The following MAGI2 variants were observed in gnomAD, a reference collection of about 807,000 sequenced individuals.
MAGI2 encodes membrane-associated guanylate kinase, WW and PDZ domain-containing protein 2.
Under a neutral mutation model 133.3 loss-of-function variants are expected in MAGI2, and 35 were observed. The observed-to-expected ratio is 0.26, with a 90% CI of 0.20 to 0.35. The LOEUF (loss-of-function observed/expected upper bound fraction) is 0.35, where lower values mean the gene tolerates loss of function less well. Ranked by LOEUF, MAGI2 falls within the 10% of genes least tolerant of loss-of-function variation. The probability of loss-of-function intolerance (pLI) is 1.00; values close to 1 mark genes in which losing one functional copy is unlikely to be tolerated. For synonymous variants in MAGI2, 729 were observed against 710.6 expected, an observed-to-expected ratio of 1.03 and a Z score of -0.41; for missense variants, 1,636 against 1,863.4, an observed-to-expected ratio of 0.88 and a Z score of 2.25.
At chr7:78,863,927 A>G (rs1417314432) in intron 2 of MAGI2, among the ~76,000 whole-genome samples, 2 of 152,224 alleles carry the variant, frequency 1.3e-5, no homozygotes, top group East Asian at 1.9e-4. Flanking sequence ...ATTGAAGAAC[A>G]GCTTGAATCC....
intron 2 of MAGI2, among the ~76,000 whole-genome samples, chr7:78,698,513 C>T (rs1447613636): frequency 6.6e-6 from 1 of 152,176 alleles, no homozygotes; most frequent in African/African-American, 2.4e-5. Context: ...ATGTTTTTCA[C>T]CATTAGGAAC....
At chr7:78,640,401 T>C (rs1182415422) in intron 2 of MAGI2, among the ~76,000 whole-genome samples, 1 of 152,128 alleles carries the variant, frequency 6.6e-6, no homozygotes, top group East Asian at 1.9e-4. Context: ...GTTTTAGGAA[T>C]TAAAAATATA....
chr7:78,329,636 C>T (rs1450881595), intron 9 of MAGI2, among the ~76,000 whole-genome samples: 1 of 152,176 alleles, frequency 6.6e-6, no homozygotes, highest in East Asian at 1.9e-4. Flanking sequence ...CTATCTTACC[C>T]TCCTCAGACT....
chr7:79,270,425 T>G (rs2129557168), intron 1 of MAGI2, among the ~76,000 whole-genome samples: 1 of 152,296 alleles, frequency 6.6e-6, no homozygotes, highest in Middle Eastern at 3.4e-3. Flanking sequence ...CTGAGAGAAG[T>G]CATTCCAGAG....
chr7:79,446,686 C>G (rs761999706), intron 1 of MAGI2, among the ~76,000 whole-genome samples: 1 of 152,198 alleles, frequency 6.6e-6, no homozygotes, highest in Non-Finnish European at 1.5e-5. Flanking sequence ...CGCAGTGGCT[C>G]ACACCTGTAA....
intron 2 of MAGI2, among the ~76,000 whole-genome samples, chr7:78,884,976 A>G (rs1386858438): frequency 6.6e-6 from 1 of 152,204 alleles, no homozygotes. Flanking sequence ...ATGCAGCCAA[A>G]ACAATAGCTC....
intron 10 of MAGI2, among the ~76,000 whole-genome samples, chr7:78,209,194 C>G (rs1787471239): frequency 2.9e-5 from 1 of 34,152 alleles, no homozygotes; most frequent in Non-Finnish European, 7.0e-5. Context: ...TGCACTCCAC[C>G]CTGGGCGACA....
intron 3 of MAGI2, among the ~76,000 whole-genome samples, chr7:78,530,882 A>C (rs1797410840): frequency 1.3e-5 from 2 of 152,198 alleles, no homozygotes; most frequent in Non-Finnish European, 2.9e-5. Context: ...CTTGCATTTT[A>C]ATTAGAGTTA....
intron 21 of MAGI2, 30 bp downstream of exon 21, chr7:78,078,917 C>A (rs2151186522): frequency 6.2e-7 from 1 of 1,612,536 alleles, no homozygotes; most frequent in East Asian, 2.2e-5. Flanking sequence ...GAAGGAAGAG[C>A]AAAAGGGTGA....
At chr7:78,506,662 A>G (rs1795117580) in intron 4 of MAGI2, among the ~76,000 whole-genome samples, 1 of 152,256 alleles carries the variant, frequency 6.6e-6, no homozygotes, top group African/African-American at 2.4e-5. Flanking sequence ...AAGCTTCTGC[A>G]CAGTCCAGCA....
chr7:78,342,759 T>C (rs1000472682), intron 9 of MAGI2, among the ~76,000 whole-genome samples: 30 of 152,136 alleles, frequency 2.0e-4, no homozygotes, highest in African/African-American at 6.5e-4. Flanking sequence ...AGTTGAACAA[T>C]GAGAACACAT....
chr7:79,117,387 T>G (rs2129544363), intron 1 of MAGI2, among the ~76,000 whole-genome samples: 1 of 152,240 alleles, frequency 6.6e-6, no homozygotes, highest in African/African-American at 2.4e-5. Flanking sequence ...GGTGTTAATT[T>G]GTAGGAAAAA....
intron 2 of MAGI2, among the ~76,000 whole-genome samples, chr7:78,851,144 G>A (rs1188650913): frequency 6.6e-6 from 1 of 151,892 alleles, no homozygotes; most frequent in Middle Eastern, 3.2e-3. Flanking sequence ...GAAAATAATT[G>A]AGCAAAACTA....
At chr7:78,771,216 T>G (rs1207138000) in intron 2 of MAGI2, 1 of 152,344 alleles carries the variant, frequency 6.6e-6, no homozygotes, top group East Asian at 1.9e-4. Context: ...TCCGTTTCCC[T>G]TTCCCCAACC....
At chr7:78,935,820 G>A (rs1345432430) in intron 2 of MAGI2, among the ~76,000 whole-genome samples, 1 of 152,040 alleles carries the variant, frequency 6.6e-6, no homozygotes, top group Non-Finnish European at 1.5e-5. Context: ...GAGACCATTA[G>A]CTTTGAGTTT....
intron 10 of MAGI2, among the ~76,000 whole-genome samples, chr7:78,250,714 T>C (rs1169483276): frequency 6.6e-6 from 1 of 151,980 alleles, no homozygotes; most frequent in Admixed American, 6.6e-5. Flanking sequence ...GAAGAAAACA[T>C]TAAATCAAGA....
chr7:79,126,228 G>T (rs983912210), intron 1 of MAGI2, among the ~76,000 whole-genome samples: 2 of 152,186 alleles, frequency 1.3e-5, no homozygotes. Context: ...CTCCACACTT[G>T]TAGTAGGCAG....
At chr7:78,071,699 C>T (rs948168863) in intron 21 of MAGI2, among the ~76,000 whole-genome samples, 16 of 152,062 alleles carry the variant, frequency 1.1e-4, no homozygotes, top group Non-Finnish European at 2.2e-4. Context: ...TATGATGTAA[C>T]CCAAGGTTCT....
chr7:78,477,669 A>C (rs1220313453), intron 6 of MAGI2, among the ~76,000 whole-genome samples: 1 of 151,868 alleles, frequency 6.6e-6, no homozygotes, highest in African/African-American at 2.4e-5. Context: ...TTTAGGGGAA[A>C]CCGCCCCCAT....
Sources: gnomAD v4.1 joint callset for allele counts (sites outside exome capture counted in the v4.1 genomes callset) on GRCh38, gnomAD v4.1.1 for gene constraint, MANE v1.5 for transcripts, NCBI Gene and HGNC (gene_info 2026-07-23, HGNC 2026-07-21) for gene names.